ODF2: variants seen among roughly 807,000 people sequenced by gnomAD.
The protein encoded by ODF2 is outer dense fiber of sperm tails 2, also known as outer dense fiber protein 2.
Under a neutral mutation model 110.2 loss-of-function variants are expected in ODF2, and 47 were observed. That is an observed-to-expected ratio of 0.43 (90% CI 0.34 to 0.54). ODF2 has a LOEUF of 0.54. Ranked by LOEUF, ODF2 falls within the 20% of genes least tolerant of loss-of-function variation. ODF2 has a pLI of 0.03. For synonymous variants in ODF2, 352 were observed against 397.7 expected (o/e 0.89, Z 1.37); for missense variants, 812 against 1,054.5 (o/e 0.77, Z 3.19).
Position 128,498,400 on chromosome 9 carries a change from T to G in ODF2, c.2013-13T>G, listed in dbSNP as rs1256094465. 2 of 1,567,522 alleles carry G rather than the reference T, an allele frequency of 1.3e-6. No individual in the cohort carries two copies. Among genetic ancestry groups the G allele is most frequent in the Non-Finnish European group, 8.6e-7 (1 of 1,156,910 alleles). On this transcript the variant is annotated splice_polypyrimidine_tract_variant and intron_variant, in intron 18 of 20. Coordinates refer to ENST00000604420, the Ensembl canonical transcript of ODF2. ...GGGGTATGCCCAGGATCTGATTGAG[T>G]GCTTTCACCTAGGAAACTGGAGGCG...
intron 3 of ODF2, 25 bp downstream of exon 2, chr9:128,459,682 C>T (rs565282456): frequency 6.4e-7 from 1 of 1,572,820 alleles, no homozygotes; most frequent in Non-Finnish European, 8.7e-7. Context: ...CACGTAGCAG[C>T]CCTCTTTGGT....
At chr9:128,477,998 T>C (rs577521531) in intron 8 of ODF2, among the ~76,000 whole-genome samples, 64 of 151,986 alleles carry the variant, frequency 4.2e-4, no homozygotes, top group Admixed American at 2.6e-4. Flanking sequence ...AGGGAAGCTT[T>C]ATTAATTTTT....
rs144331164 is a variant in ODF2 at position 128,500,136 on chromosome 9, C to T, written c.2371C>T (p.Arg791Cys). The stretch of plus-strand genomic sequence containing the variant: ...CCTGGAGCAGTCCGAGAGCACCAAC[C>T]GCAGCATGCAGAACTACGTCCAGTT... The change falls in exon 21 of 21, where the codon CGC becomes TGC. Residue 791 changes from arginine to cysteine, a missense_variant. This residue lies in a region of ODF2 where 234 missense variants were observed against 245.3 expected (regional missense o/e 0.95). Coordinates refer to ENST00000604420, the Ensembl canonical transcript of ODF2. 1.2e-4 allele frequency: 189 copies of T among 1,614,264 alleles called. No homozygotes were observed. In the African/African-American group the frequency reaches 2.2e-3, roughly 18 times the overall value.
intron 8 of ODF2, among the ~76,000 whole-genome samples, chr9:128,481,177 T>G (rs1842321633): frequency 6.6e-6 from 1 of 151,980 alleles, no homozygotes; most frequent in South Asian, 2.1e-4. Context: ...AAATTAGAAC[T>G]ACAGTTTTTT....
At position 128,497,439 on chromosome 9, in the gene ODF2, AAAAAAAAATATATATATATATATATAT is replaced by A. The variant is rs1320846399; in HGVS notation, c.2013-972_2013-946del. 7.3e-5 allele frequency: 7 copies of A among 95,682 alleles called. 1 individual carries two copies. The highest frequency in any genetic ancestry group is 2.3e-4 in the African/African-American group (4 of 17,498). The allele number at this position is 95,682 out of a possible 1,614,324, so 5.9% of individuals were successfully genotyped here. ...CGTCTCTACTAAAAAAAAAAAAAAA[AAAAAAAAATATATATATATATATATAT>A]ATATATATATATATATATATGTATA... On this transcript the variant is annotated intron_variant, in intron 18 of 20. Coordinates refer to ENST00000604420, the Ensembl canonical transcript of ODF2.
At chr9:128,456,370 C>G in intron 1 of ODF2, 115 bp downstream of exon 1, 1 of 1,429,832 alleles carries the variant, frequency 7.0e-7, no homozygotes, top group East Asian at 2.9e-5. Flanking sequence ...CCTGGGTTCC[C>G]CGCCGCGTTG....
chr9:128,456,137 G>C, upstream of ODF2: 1 of 1,548,574 alleles, frequency 6.5e-7, no homozygotes. Context: ...GCGGAAGCGG[G>C]GAGGAGCCGC....
intron 13 of ODF2, among the ~76,000 whole-genome samples, chr9:128,487,440 T>A (rs1288378513): frequency 6.6e-6 from 1 of 151,926 alleles, no homozygotes; most frequent in Non-Finnish European, 1.5e-5. Flanking sequence ...AGGCAGTATA[T>A]TGAGTGATGA....
chr9:128,500,045 A>G (rs745774670), intron 20 of ODF2, 22 bp from the exon 21 acceptor site: 2 of 1,613,974 alleles, frequency 1.2e-6, no homozygotes, highest in Non-Finnish European at 1.7e-6. Flanking sequence ...CAGCGGGCCC[A>G]TGCTCTGTTT....
chr9:128,493,936 A>T (rs1375769600), intron 16 of ODF2, among the ~76,000 whole-genome samples: 2 of 152,232 alleles, frequency 1.3e-5, no homozygotes, highest in African/African-American at 4.8e-5. Flanking sequence ...CTGGGACTAC[A>T]GGCGTGTGCC....
intron 1 of ODF2, 51 bp downstream of exon 1, chr9:128,456,306 C>T (rs1011614457): frequency 2.7e-6 from 4 of 1,492,006 alleles, no homozygotes; most frequent in South Asian, 2.6e-5. Flanking sequence ...GCACCGCGGG[C>T]GAGACCGTCG....
intron 2 of ODF2, 41 bp from the exon 2 acceptor site, chr9:128,459,526 T>C: frequency 6.8e-7 from 1 of 1,477,572 alleles, no homozygotes; most frequent in Non-Finnish European, 9.4e-7. Flanking sequence ...AAGATTGCCC[T>C]AGTTTTCTGC....
upstream of ODF2, chr9:128,456,104 C>G: frequency 6.5e-7 from 1 of 1,544,764 alleles, no homozygotes; most frequent in South Asian, 1.2e-5. Context: ...GGGCGAGCTG[C>G]CGACCGGGTG....
intron 17 of ODF2, among the ~76,000 whole-genome samples, chr9:128,495,780 G>T (rs765086834): frequency 1.4e-4 from 21 of 152,120 alleles, no homozygotes; most frequent in Admixed American, 3.3e-4. Flanking sequence ...TCTCTGAGTG[G>T]CCTCCCCTGA....
chr9:128,492,858 A>ACAGTC, intron 16 of ODF2, 53 bp downstream of exon 16: 6 of 1,465,346 alleles, frequency 4.1e-6, no homozygotes, highest in African/African-American at 1.4e-5. Context: ...TATCTAACTC[A>ACAGTC]ATGACTGTGA....
chr9:128,468,067 A>G (rs549755359), intron 4 of ODF2, among the ~76,000 whole-genome samples: 1 of 152,244 alleles, frequency 6.6e-6, no homozygotes, highest in South Asian at 2.1e-4. Flanking sequence ...CAGGTATTGT[A>G]CCATGTGCAT....
intron 14 of ODF2, among the ~76,000 whole-genome samples, 197 bp downstream of exon 14, chr9:128,488,222 C>A (rs1029924108): frequency 6.6e-6 from 1 of 152,078 alleles, no homozygotes; most frequent in Admixed American, 6.6e-5. Flanking sequence ...GAGCCTAGTT[C>A]GAGACCAGCC....
intron 4 of ODF2, among the ~76,000 whole-genome samples, chr9:128,465,465 G>A (rs1283863898): frequency 6.6e-6 from 1 of 152,038 alleles, no homozygotes; most frequent in African/African-American, 2.4e-5. Flanking sequence ...GTGATCAGCC[G>A]GGCGCGGTGG....
intron 8 of ODF2, among the ~76,000 whole-genome samples, chr9:128,474,260 C>CGAG (rs1266373013): frequency 6.6e-6 from 1 of 151,716 alleles, no homozygotes; most frequent in Non-Finnish European, 1.5e-5. Context: ...TTTGGGAGGC[C>CGAG]GAGGAGGGTG....
Sources: gnomAD v4.1 joint callset for allele counts (sites outside exome capture counted in the v4.1 genomes callset) on GRCh38, gnomAD v4.1.1 for gene constraint, gnomAD v4.1.1 regional missense constraint, MANE v1.5 for transcripts, NCBI Gene and HGNC (gene_info 2026-07-23, HGNC 2026-07-21) for gene names.